Variants in PRDM5 observed in about 807,000 individuals in gnomAD.
PRDM5 encodes PR/SET domain 5, also known as PR domain zinc finger protein 5.
Under a neutral mutation model 81.2 loss-of-function variants are expected in PRDM5, and 56 were observed. That is an observed-to-expected ratio of 0.69 (90% CI 0.56 to 0.86). The LOEUF (loss-of-function observed/expected upper bound fraction) is 0.86. Ranked by LOEUF, PRDM5 falls within the 40% of genes least tolerant of loss-of-function variation. PRDM5 has a pLI of 0.00. For missense variants in PRDM5, 697 were observed against 770.1 expected, an observed-to-expected ratio of 0.91 and a Z score of 1.12; for synonymous variants, 267 against 256.4, an observed-to-expected ratio of 1.04 and a Z score of -0.39.
chr4:120,905,084 T>G (rs990904488), intron 2 of PRDM5, among the ~76,000 whole-genome samples: 7 of 152,166 alleles, frequency 4.6e-5, no homozygotes, highest in African/African-American at 1.7e-4. Context: ...TGAAAGCCAT[T>G]AAAATGTTTA....
intron 15 of PRDM5, among the ~76,000 whole-genome samples, chr4:120,702,265 G>T (rs77956370): frequency 6.6e-4 from 101 of 152,238 alleles, no homozygotes; most frequent in Non-Finnish European, 6.6e-4. Context: ...ATGGTGTTTT[G>T]CTACTTGTAA....
intron 15 of PRDM5, among the ~76,000 whole-genome samples, chr4:120,699,161 A>AATATATATATAT (rs70948358): frequency 8.7e-4 from 64 of 73,418 alleles, no homozygotes; most frequent in African/African-American, 1.9e-3. Context: ...AGGAAATATA[A>AATATATATATAT]ATATATATAT....
At chr4:120,834,220 T>A (rs533139292) in intron 3 of PRDM5, among the ~76,000 whole-genome samples, 17 of 152,296 alleles carry the variant, frequency 1.1e-4, no homozygotes, top group African/African-American at 2.9e-4. Flanking sequence ...TAATTTTATA[T>A]GTGCTGAATA....
intron 2 of PRDM5, chr4:120,896,997 T>G (rs1561649800): frequency 1.3e-5 from 2 of 151,898 alleles, no homozygotes; most frequent in Admixed American, 6.6e-5. Context: ...TATAGTTTTT[T>G]TTTTTTTTTT....
intron 2 of PRDM5, among the ~76,000 whole-genome samples, chr4:120,862,197 T>C (rs1347514599): frequency 1.3e-5 from 2 of 152,212 alleles, no homozygotes; most frequent in African/African-American, 4.8e-5. Context: ...GTAACATCCT[T>C]TGTCAGTAAA....
At chr4:120,818,583 C>T (rs2149342209) in intron 4 of PRDM5, 56 bp from the exon 5 acceptor site, 1 of 1,433,248 alleles carries the variant, frequency 7.0e-7, no homozygotes, top group Non-Finnish European at 9.8e-7. Flanking sequence ...CCAAGAAATG[C>T]TCAGTTTTGC....
chr4:120,916,914 T>A (rs1355978642), intron 1 of PRDM5, among the ~76,000 whole-genome samples: 1 of 152,250 alleles, frequency 6.6e-6, no homozygotes, highest in Non-Finnish European at 1.5e-5. Flanking sequence ...CATGGATTAC[T>A]GCAGTAGAAT....
At chr4:120,782,506 T>C (rs1426731001) in intron 11 of PRDM5, among the ~76,000 whole-genome samples, 1 of 152,072 alleles carries the variant, frequency 6.6e-6, no homozygotes, top group Non-Finnish European at 1.5e-5. Context: ...AATTACCTTC[T>C]CTTTGTCTTT....
chr4:120,729,217 C>T (rs914473576), intron 14 of PRDM5, among the ~76,000 whole-genome samples: 17 of 152,108 alleles, frequency 1.1e-4, no homozygotes, highest in African/African-American at 3.9e-4. Context: ...ATATAACTGC[C>T]TCCATTAGAG....
At chr4:120,885,432 T>C (rs1763333405) in intron 2 of PRDM5, 1 of 152,168 alleles carries the variant, frequency 6.6e-6, no homozygotes, top group South Asian at 2.1e-4. Context: ...TGACATAATG[T>C]CCTTCCTCAT....
intron 3 of PRDM5, among the ~76,000 whole-genome samples, chr4:120,850,354 A>C (rs72680430): frequency 0.016 from 2,374 of 152,246 alleles, 35 homozygotes; most frequent in South Asian, 0.033. Context: ...TCTTTAGGAG[A>C]TCATTCCAAC....
At chr4:120,881,836 A>G (rs1052989393) in intron 2 of PRDM5, among the ~76,000 whole-genome samples, 1 of 152,158 alleles carries the variant, frequency 6.6e-6, no homozygotes, top group Non-Finnish European at 1.5e-5. Flanking sequence ...CATGTATTCT[A>G]TTGTCTAATG....
chr4:120,821,147 G>C (rs981379794), intron 4 of PRDM5, 24 bp downstream of exon 4: 2 of 1,610,376 alleles, frequency 1.2e-6, no homozygotes, highest in Admixed American at 3.3e-5. Flanking sequence ...TCTTCTCCCA[G>C]ATCACCAATT....
At chr4:120,716,881 G>A (rs1337769257) in intron 14 of PRDM5, among the ~76,000 whole-genome samples, 2 of 152,060 alleles carry the variant, frequency 1.3e-5, no homozygotes, top group Admixed American at 6.6e-5. Flanking sequence ...TTCTTTCTCA[G>A]AGAGTAAACC....
At chr4:120,733,092 AG>A (rs1483304816) in intron 14 of PRDM5, among the ~76,000 whole-genome samples, 3 of 152,232 alleles carry the variant, frequency 2.0e-5, no homozygotes, top group Non-Finnish European at 2.9e-5. Flanking sequence ...AAAGAAAAAT[AG>A]GTAAGTTCAA....
chr4:120,724,846 G>C (rs1457093233), intron 14 of PRDM5, among the ~76,000 whole-genome samples: 1 of 152,142 alleles, frequency 6.6e-6, no homozygotes, highest in Non-Finnish European at 1.5e-5. Flanking sequence ...TATGTCAACA[G>C]GTGAAACAAA....
intron 1 of PRDM5, among the ~76,000 whole-genome samples, chr4:120,908,209 C>T (rs1263714687): frequency 2.0e-5 from 3 of 152,280 alleles, no homozygotes; most frequent in Admixed American, 6.5e-5. Context: ...TCTACCCTGA[C>T]GGGACTTTTA....
chr4:120,696,293 T>C (rs147123378), intron 15 of PRDM5, among the ~76,000 whole-genome samples: 50 of 152,238 alleles, frequency 3.3e-4, no homozygotes, highest in African/African-American at 1.2e-3. Context: ...CTGAAATCTG[T>C]CATCCTTTCT....
At chr4:120,768,890 C>A (rs1181580876) in intron 13 of PRDM5, among the ~76,000 whole-genome samples, 1 of 152,208 alleles carries the variant, frequency 6.6e-6, no homozygotes, top group East Asian at 1.9e-4. Context: ...TATTAATGAT[C>A]ATTTGTTATA....
Sources: gnomAD v4.1 joint callset for allele counts (sites outside exome capture counted in the v4.1 genomes callset) on GRCh38, gnomAD v4.1.1 for gene constraint, MANE v1.5 for transcripts, NCBI Gene and HGNC (gene_info 2026-07-23, HGNC 2026-07-21) for gene names.